The following AFAP1 variants were observed in gnomAD, a reference collection of about 807,000 sequenced individuals.
The protein encoded by AFAP1 is actin filament-associated protein 1.
AFAP1 carries 75 observed loss-of-function variants against 93.9 expected under a neutral mutation model. That is an observed-to-expected ratio of 0.80 (90% CI 0.66 to 0.97). The LOEUF (loss-of-function observed/expected upper bound fraction) is 0.97. Ranked by LOEUF, AFAP1 falls within the 50% of genes least tolerant of loss-of-function variation. The pLI, the probability that AFAP1 is intolerant of heterozygous loss-of-function variation, is 0.00. For missense variants in AFAP1, 1,201 were observed against 1,050.8 expected (o/e 1.14, Z -1.98); for synonymous variants, 517 against 430.7 (o/e 1.20, Z -2.48).
At chr4:7,913,445 C>T (rs1006727844) in intron 1 of AFAP1, among the ~76,000 whole-genome samples, 1 of 151,156 alleles carries the variant, frequency 6.6e-6, no homozygotes, top group African/African-American at 2.4e-5. Flanking sequence ...TGGGTATTGT[C>T]TTTGTGAAAC....
intron 1 of AFAP1, among the ~76,000 whole-genome samples, chr4:7,878,868 ACT>A (rs1445949775): frequency 1.3e-5 from 2 of 151,782 alleles, no homozygotes; most frequent in African/African-American, 2.4e-5. Context: ...CGTAACACTG[ACT>A]CTCTAAATTT....
intron 1 of AFAP1, among the ~76,000 whole-genome samples, chr4:7,933,314 C>T (rs1721198313): frequency 6.6e-6 from 1 of 152,136 alleles, no homozygotes; most frequent in Admixed American, 6.5e-5. Flanking sequence ...GTGGCTCACG[C>T]CTGTAATCAC....
intron 6 of AFAP1, 34 bp downstream of exon 6, chr4:7,838,490 C>G (rs748084129): frequency 6.3e-7 from 1 of 1,576,504 alleles, no homozygotes; most frequent in South Asian, 1.2e-5. Context: ...GCATGTGGAA[C>G]TGAAATGGCT....
At chr4:7,855,678 T>A in intron 3 of AFAP1, 104 bp from the exon 4 acceptor site, 1 of 954,044 alleles carries the variant, frequency 1.0e-6, no homozygotes, top group Non-Finnish European at 1.6e-6. Flanking sequence ...CTTTCCTTTG[T>A]AAAGTCTTCG....
intron 3 of AFAP1, 136 bp downstream of exon 3, chr4:7,868,486 A>G (rs754581531): frequency 1.5e-6 from 1 of 681,294 alleles, no homozygotes; most frequent in Non-Finnish European, 2.4e-6. Context: ...AGCCCTAGAA[A>G]TATACTCAAA....
chr4:7,926,637 G>A (rs768801567), intron 1 of AFAP1, among the ~76,000 whole-genome samples: 14 of 152,190 alleles, frequency 9.2e-5, no homozygotes, highest in Non-Finnish European at 1.8e-4. Flanking sequence ...ACTGCCATGG[G>A]TGAAGCTCTT....
At chr4:7,933,911 AT>A (rs1462630619) in intron 1 of AFAP1, among the ~76,000 whole-genome samples, 4 of 152,230 alleles carry the variant, frequency 2.6e-5, no homozygotes, top group African/African-American at 9.6e-5. Flanking sequence ...AGATGATACA[AT>A]TTCAATTATT....
chr4:7,904,587 G>A (rs529298690), intron 1 of AFAP1, among the ~76,000 whole-genome samples: 2 of 152,268 alleles, frequency 1.3e-5, no homozygotes, highest in East Asian at 3.9e-4. Context: ...TTTCATAGAT[G>A]AGTTAACTGA....
chr4:7,890,650 G>T (rs1451820756), intron 1 of AFAP1, among the ~76,000 whole-genome samples: 1 of 152,184 alleles, frequency 6.6e-6, no homozygotes, highest in East Asian at 1.9e-4. Flanking sequence ...GGGCAAAGTG[G>T]TTACAGACAT....
intron 4 of AFAP1, among the ~76,000 whole-genome samples, chr4:7,850,445 G>C (rs1030981566): frequency 6.6e-6 from 1 of 152,192 alleles, no homozygotes; most frequent in Non-Finnish European, 1.5e-5. Context: ...AGGGAAGAGG[G>C]CAAAACAGAG....
intron 1 of AFAP1, among the ~76,000 whole-genome samples, chr4:7,906,932 G>T (rs56943746): frequency 0.043 from 6,497 of 151,730 alleles, 247 homozygotes; most frequent in African/African-American, 0.098. Flanking sequence ...AACTCGGGAG[G>T]CGGAGGTTGC....
intron 6 of AFAP1, among the ~76,000 whole-genome samples, chr4:7,835,465 T>C (rs1450701096): frequency 2.4e-5 from 2 of 82,458 alleles, no homozygotes; most frequent in African/African-American, 4.0e-5. Flanking sequence ...TGGGCTGCCT[T>C]AAGGTTACCT....
At chr4:7,810,541 C>A (rs904515324) in intron 8 of AFAP1, among the ~76,000 whole-genome samples, 1 of 152,184 alleles carries the variant, frequency 6.6e-6, no homozygotes, top group African/African-American at 2.4e-5. Context: ...AGGAGCCCCT[C>A]GGCCATCTGT....
rs1056187493 is a variant in AFAP1, at chr4:7,768,987, T to C, written c.2275A>G (p.Thr759Ala). Reference sequence around the variant, plus strand: ...CTGGAGATGGGCGAGTTTTCCAGGGTCCGGTGCCGGAACACTGGAGACTTA... The same window carrying C: ...CTGGAGATGGGCGAGTTTTCCAGGGCCCGGTGCCGGAACACTGGAGACTTA... ...SPQSPVFRHR[T>A]LENSPISSCD... The change falls in exon 17 of 18, where the codon ACC becomes GCC. Residue 759 changes from threonine (T) to alanine (A), a missense_variant. Coordinates refer to ENST00000420658, the MANE Select transcript of AFAP1 (RefSeq NM_001134647.2). 3.7e-6 allele frequency: 6 copies of C among 1,612,526 alleles called. No homozygotes were observed. The highest frequency in any genetic ancestry group is 2.2e-5 in the East Asian group (1 of 44,850).
In AFAP1 at chr4:7,843,266, T is replaced by A. The variant is rs763853673; in HGVS notation, c.419A>T (p.Gln140Leu). Residue 140 changes from glutamine (Q) to leucine (L), a missense_variant, in exon 5 of 18, where the codon CAG becomes CTG. Physicochemically the swap from Gln to Leu is moderately radical, Grantham distance 113. Coordinates refer to ENST00000420658, the MANE Select transcript of AFAP1 (RefSeq NM_001134647.2). The stretch of plus-strand genomic sequence containing the variant: ...CATGGAGGCCTCCTCGGAGGGCCAC[T>A]GGTGCCGGGTTTTCTTCCCCTTCCC... ...EDGKGKKTRH[Q>L]WPSEEASMDL... The A allele has an allele frequency of 6.2e-7, 1 of 1,614,220 alleles. No individual in the cohort carries two copies. Among genetic ancestry groups the A allele is most frequent in the Non-Finnish European group, 8.5e-7 (1 of 1,180,036 alleles).
At position 7,939,569 on chromosome 4, in the gene AFAP1, C is replaced by A; in HGVS notation, c.-3+87G>T. 2.6e-6 allele frequency: 1 copy of A among 385,556 alleles called. No individual in the cohort carries two copies. Among genetic ancestry groups the A allele is most frequent in the Non-Finnish European group, 5.1e-6 (1 of 197,678 alleles). 23.9% of individuals were successfully genotyped at this position (385,556 alleles called of 1,614,324 possible). On this transcript the variant is annotated intron_variant, in intron 1 of 17. Coordinates refer to ENST00000420658, the MANE Select transcript of AFAP1 (RefSeq NM_001134647.2). The surrounding 1 kb of genome is among the most constrained non-coding windows in gnomAD (Gnocchi z 5.6). ...AAGCCCAGGCGCACGGACCCCGGAC[C>A]CTGCGGAGCCCCGCTCGGAGCTTCC... is the stretch of plus-strand genomic sequence containing the variant.
chr4:7,880,073 A>C (rs1717754656), intron 1 of AFAP1, among the ~76,000 whole-genome samples: 1 of 152,096 alleles, frequency 6.6e-6, no homozygotes, highest in South Asian at 2.1e-4. Flanking sequence ...CAAAGCAAAC[A>C]CACTTCCTGC....
intron 3 of AFAP1, among the ~76,000 whole-genome samples, chr4:7,867,372 A>C (rs1393543002): frequency 6.6e-6 from 1 of 152,194 alleles, no homozygotes. Flanking sequence ...TAATCTCCCC[A>C]AATCATATGA....
At chr4:7,843,105 T>C in intron 5 of AFAP1, 34 bp downstream of exon 5, 4 of 1,606,488 alleles carry the variant, frequency 2.5e-6, no homozygotes, top group Non-Finnish European at 3.4e-6. Flanking sequence ...TGCAGCAATC[T>C]TACAAAAAAT....
Sources: allele counts gnomAD v4.1 joint callset (sites outside exome capture counted in the v4.1 genomes callset), GRCh38; gene constraint gnomAD v4.1.1; non-coding constraint Gnocchi (gnomAD v3.1); transcripts MANE v1.5; gene names NCBI Gene and HGNC (gene_info 2026-07-23, HGNC 2026-07-21).